NCAM2: variants seen among roughly 807,000 people sequenced by gnomAD.
The protein encoded by NCAM2 is N-CAM-2.
Under a neutral mutation model 98.1 loss-of-function variants are expected in NCAM2, and 30 were observed. The observed-to-expected ratio is 0.31, with a 90% CI of 0.23 to 0.41. NCAM2 has a LOEUF of 0.41. NCAM2 is among the 10% of genes least tolerant of loss of function. The pLI is 1.00. For missense variants in NCAM2, 867 were observed against 1,005.8 expected (o/e 0.86, Z 1.87); for synonymous variants, 368 against 342.4 (o/e 1.07, Z -0.83).
chr21:21,488,150 A>C (rs1986548510), intron 15 of NCAM2, among the ~76,000 whole-genome samples: 1 of 152,084 alleles, frequency 6.6e-6, no homozygotes, highest in Admixed American at 6.5e-5. Flanking sequence ...AAGACAAATA[A>C]TTTTATTGCA....
intron 1 of NCAM2, among the ~76,000 whole-genome samples, chr21:21,116,833 C>T (rs1311312246): frequency 2.0e-5 from 3 of 150,312 alleles, no homozygotes; most frequent in African/African-American, 4.9e-5. Context: ...CCAGCCTGGG[C>T]GACAGAGCCA....
At chr21:21,130,886 T>G (rs1013646341) in intron 1 of NCAM2, among the ~76,000 whole-genome samples, 1 of 152,174 alleles carries the variant, frequency 6.6e-6, no homozygotes, top group Non-Finnish European at 1.5e-5. Flanking sequence ...TTTTCTAAAT[T>G]GGCCAAGCAA....
intron 8 of NCAM2, among the ~76,000 whole-genome samples, chr21:21,371,865 G>GCACACA (rs5842919): frequency 6.7e-6 from 1 of 148,380 alleles, no homozygotes; most frequent in African/African-American, 2.5e-5. Context: ...AAATGCGCGT[G>GCACACA]CACACACACA....
chr21:21,114,646 A>G (rs1474393888), intron 1 of NCAM2, among the ~76,000 whole-genome samples: 1 of 152,170 alleles, frequency 6.6e-6, no homozygotes, highest in African/African-American at 2.4e-5. Flanking sequence ...AGTGGTTCCC[A>G]ACAGCTGTTG....
At chr21:21,087,775 C>A (rs1236304315) in intron 1 of NCAM2, among the ~76,000 whole-genome samples, 1 of 152,062 alleles carries the variant, frequency 6.6e-6, no homozygotes, top group Non-Finnish European at 1.5e-5. Flanking sequence ...CAATTCAGAC[C>A]AGTCTTCTGT....
At chr21:21,202,280 T>G (rs1568761616) in intron 1 of NCAM2, among the ~76,000 whole-genome samples, 1 of 152,076 alleles carries the variant, frequency 6.6e-6, no homozygotes, top group Non-Finnish European at 1.5e-5. Context: ...TTGTGATGAT[T>G]AAATAGGCCA....
intron 9 of NCAM2, among the ~76,000 whole-genome samples, chr21:21,391,409 A>G (rs760362045): frequency 1.3e-5 from 2 of 152,194 alleles, no homozygotes; most frequent in Non-Finnish European, 2.9e-5. Context: ...GATAGTATAC[A>G]AATGAGCAAT....
chr21:21,352,903 G>T (rs547330268), intron 8 of NCAM2, among the ~76,000 whole-genome samples: 116 of 150,954 alleles, frequency 7.7e-4, no homozygotes, highest in African/African-American at 2.7e-3. Flanking sequence ...GACCAGGCTG[G>T]AGTGCAGTGG....
Position 21,154,026 on chromosome 21 carries a change from G to A in NCAM2, c.56-126552G>A, listed in dbSNP as rs148779898. 4.2e-3 allele frequency among the ~76,000 whole-genome samples: 637 copies of A among 151,994 alleles called. 4 individuals are homozygous for A. The highest frequency in any genetic ancestry group is 0.023 in the South Asian group (109 of 4,828). On this transcript the variant is annotated intron_variant, in intron 1 of 17. Transcript: ENST00000400546. ...AGAATATGTGATAAGTGAAAAAAAT[G>A]TTTTAGAGAAGAGGTCATATTATTT...
intron 1 of NCAM2, among the ~76,000 whole-genome samples, chr21:21,247,581 TC>T (rs1322244319): frequency 3.9e-5 from 6 of 152,266 alleles, no homozygotes; most frequent in African/African-American, 1.4e-4. Flanking sequence ...TTTTATCTCA[TC>T]AGGAATTTTG....
At chr21:21,517,245 C>T (rs1988762594) in intron 16 of NCAM2, among the ~76,000 whole-genome samples, 1 of 152,140 alleles carries the variant, frequency 6.6e-6, no homozygotes, top group Non-Finnish European at 1.5e-5. Flanking sequence ...TCTGTGTACT[C>T]CTGTTTCATT....
chr21:21,492,450 A>G (rs920243189), intron 15 of NCAM2, among the ~76,000 whole-genome samples: 3 of 151,836 alleles, frequency 2.0e-5, no homozygotes, highest in Admixed American at 1.3e-4. Context: ...TTCTCACTCA[A>G]ACTTTTACAT....
chr21:21,118,997 ACCT>A (rs1386750505), intron 1 of NCAM2, among the ~76,000 whole-genome samples: 4 of 151,778 alleles, frequency 2.6e-5, no homozygotes, highest in African/African-American at 9.7e-5. Context: ...TATTCTTGTC[ACCT>A]CCTCTTTTTG....
intron 1 of NCAM2, among the ~76,000 whole-genome samples, chr21:21,192,153 G>A (rs1487274714): frequency 6.6e-6 from 1 of 152,132 alleles, no homozygotes; most frequent in Non-Finnish European, 1.5e-5. Context: ...AATCCAGGAG[G>A]CAGAGGTTGT....
At chr21:21,320,934 A>T (rs1319561013) in intron 5 of NCAM2, among the ~76,000 whole-genome samples, 1 of 152,184 alleles carries the variant, frequency 6.6e-6, no homozygotes, top group Non-Finnish European at 1.5e-5. Flanking sequence ...AACTTCATAT[A>T]ATAAAATGCA....
chr21:21,452,798 T>G (rs11701070), intron 12 of NCAM2, among the ~76,000 whole-genome samples: 1,077 of 105,666 alleles, frequency 0.01, 9 homozygotes, highest in Non-Finnish European at 0.014. Flanking sequence ...ATATATAAAA[T>G]ATAGTATTAC....
At chr21:21,329,224 G>A (rs1342022650) in intron 6 of NCAM2, among the ~76,000 whole-genome samples, 4 of 152,088 alleles carry the variant, frequency 2.6e-5, no homozygotes, top group Non-Finnish European at 5.9e-5. Context: ...TAAGATTACA[G>A]GTGTGAGCCA....
chr21:21,444,756 C>A (rs1402219307), intron 12 of NCAM2, among the ~76,000 whole-genome samples: 1 of 151,992 alleles, frequency 6.6e-6, no homozygotes, highest in Non-Finnish European at 1.5e-5. Context: ...AGTGGTCTAT[C>A]TATTTTGTTA....
chr21:21,508,974 G>A lies in NCAM2; in HGVS notation c.2201G>A (p.Cys734Tyr), dbSNP rs761013728. The change falls in exon 16 of 18, where the codon TGC (cysteine) becomes TAC (tyrosine). Residue 734 changes from cysteine (C) to tyrosine (Y), a missense_variant. Physicochemically the swap from Cys to Tyr is radical, Grantham distance 194. Coordinates refer to ENST00000400546, the MANE Select transcript of NCAM2 (RefSeq NM_004540.5). ...ATTCGGCAATGTGGGTTGCTGATGT[G>A]CATCACTAGGAGAATGTGTGGAAAG... ...FFIRQCGLLM[C>Y]ITRRMCGKKS... The A allele has an allele frequency of 2.1e-5, 34 of 1,613,444 alleles. No individual in the cohort carries two copies. The Admixed American group carries it at 2.8e-4, about 13-fold the overall frequency.
Sources: allele counts gnomAD v4.1 joint callset (sites outside exome capture counted in the v4.1 genomes callset), GRCh38; gene constraint gnomAD v4.1.1; transcripts MANE v1.5; gene names NCBI Gene and HGNC (gene_info 2026-07-23, HGNC 2026-07-21).